The following SRMS variants were observed in gnomAD, a reference collection of about 807,000 sequenced individuals.
The protein encoded by SRMS is src-related kinase lacking C-terminal regulatory tyrosine and N-terminal myristylation sites, also known as tyrosine-protein kinase Srms.
A neutral mutation model predicts 43.5 loss-of-function variants in SRMS; 42 were observed. The observed-to-expected ratio is 0.97, with a 90% CI of 0.75 to 1.25. The LOEUF (loss-of-function observed/expected upper bound fraction) is 1.25. Ranked by LOEUF, SRMS falls within the 50% of genes most tolerant of loss-of-function variation. The probability of loss-of-function intolerance (pLI) is 0.00; values close to 1 mark genes in which losing one functional copy is unlikely to be tolerated. For missense variants in SRMS, 703 were observed against 681.0 expected, an observed-to-expected ratio of 1.03 and a Z score of -0.36; for synonymous variants, 316 against 308.2, an observed-to-expected ratio of 1.03 and a Z score of -0.27.
chr20:63,544,392 C>T, intron 1 of SRMS, 44 bp from the exon 2 acceptor site: 2 of 1,431,026 alleles, frequency 1.4e-6, no homozygotes, highest in Non-Finnish European at 1.8e-6. Flanking sequence ...GCCCCTCAGC[C>T]AGTGGCCCCA....
chr20:63,538,957 A>C lies in SRMS; in HGVS notation c.*1861T>G, dbSNP rs2082687966. Among the ~76,000 whole-genome samples, 2 of 152,128 alleles carry C rather than the reference A, an allele frequency of 1.3e-5. No homozygotes were observed. The highest frequency in any genetic ancestry group is 1.3e-4 in the Admixed American group (2 of 15,284). ...GCTGGTGGCTGGCGAGATGCCTAGG[A>C]GGGCACAGGTGCCACAGACACACCT... On this transcript the variant is annotated 3_prime_UTR_variant, in exon 8 of 8. Coordinates refer to ENST00000217188, the MANE Select transcript of SRMS (RefSeq NM_080823.4).
chr20:63,542,518 C>T lies in SRMS; in HGVS notation c.709G>A (p.Gly237Ser), dbSNP rs771567769. ...HSEFALGRKL[G>S]EGYFGEVWEG... ...CACACCTCCCCAAAGTAGCCTTCAC[C>T]CAGCTTCCTCCCAAGGGCGAATTCG... The change falls in exon 4 of 8, where the codon GGT (glycine) becomes AGT (serine). Residue 237 changes from glycine to serine, a missense_variant. Physicochemically the swap from Gly to Ser is moderately conservative, Grantham distance 56. Transcript: ENST00000217188. The T allele has an allele frequency of 4.9e-5, 79 of 1,612,628 alleles. No individual in the cohort carries two copies. Among genetic ancestry groups the T allele is most frequent in the Non-Finnish European group, 6.4e-5 (75 of 1,179,880 alleles).
At chr20:63,544,156 G>T in intron 2 of SRMS, 71 bp downstream of exon 2, 2 of 1,367,234 alleles carry the variant, frequency 1.5e-6, no homozygotes, top group Non-Finnish European at 1.9e-6. Flanking sequence ...ACTGCCTAGA[G>T]ACCAACCACC....
rs151175375 is a variant in SRMS at position 63,542,279 on chromosome 20, A to G, written c.830T>C (p.Leu277Pro). Reference protein sequence around the residue: ...LTDLAKEIQTLKGLRHERLIR... With the variant: ...LTDLAKEIQTPKGLRHERLIR... ...GAGCCGCTCGTGCCGCAGGCCCTTC[A>G]GTGTCTGGATCTCCTTGGCGAGGTC... Residue 277 changes from leucine to proline, a missense_variant, in exon 5 of 8, where the codon CTG (leucine) becomes CCG (proline). By Grantham distance (98) the Leu-to-Pro change is moderately conservative (BLOSUM62 -3). Transcript: ENST00000217188. 6.3e-5 allele frequency: 101 copies of G among 1,612,310 alleles called. No individual in the cohort carries two copies. The African/African-American group carries it at 1.1e-3, about 17-fold the overall frequency.
chr20:63,545,352 G>C (rs957457285), intron 1 of SRMS, among the ~76,000 whole-genome samples: 1 of 152,192 alleles, frequency 6.6e-6, no homozygotes, highest in Non-Finnish European at 1.5e-5. Context: ...AGCTTCCTGG[G>C]ACCCGGAGAG....
rs762108050 is a variant in SRMS, at chr20:63,541,169, C to T, written c.1285+22G>A. Reference sequence around the variant, plus strand: ...CTCCTGGGCAGAGCCTGCATCCTCCCTCTGGCTGCCTGGGGACCCACCTTC... The same window carrying T: ...CTCCTGGGCAGAGCCTGCATCCTCCTTCTGGCTGCCTGGGGACCCACCTTC... On this transcript the variant is annotated intron_variant, in intron 7 of 7. Transcript: ENST00000217188. 4 of 1,547,576 alleles carry T rather than the reference C, an allele frequency of 2.6e-6. No individual in the cohort carries two copies. In the South Asian group the frequency reaches 4.9e-5, roughly 19 times the overall value.
intron 5 of SRMS, among the ~76,000 whole-genome samples, 165 bp from the exon 6 acceptor site, chr20:63,541,785 G>A (rs1462366788): frequency 6.6e-6 from 1 of 152,208 alleles, no homozygotes; most frequent in African/African-American, 2.4e-5. Context: ...GAGACAGGGC[G>A]AGGGTCCTGT....
chr20:63,543,552 G>T (rs2082715945), intron 2 of SRMS, 72 bp from the exon 3 acceptor site: 2 of 1,543,418 alleles, frequency 1.3e-6, no homozygotes, highest in African/African-American at 1.4e-5. Flanking sequence ...CCCAGAGGAT[G>T]CTGGCCACAA....
Position 63,542,262 on chromosome 20 carries a change from C to A in SRMS, c.847G>T (p.Glu283Ter), listed in dbSNP as rs762898367. Residue 283 changes from glutamate to a stop codon, truncating the protein, a stop_gained, in exon 5 of 8, where the codon GAG (glutamate) becomes TAG (stop). Coordinates refer to ENST00000217188, the MANE Select transcript of SRMS (RefSeq NM_080823.4). LOFTEE classifies it high-confidence loss of function. The part of the protein sequence containing the change: ...EIQTLKGLRH[E>*]RLIRLHAVCS... ...ACTGCGTGCAGCCGGATGAGCCGCT[C>A]GTGCCGCAGGCCCTTCAGTGTCTGG... is the stretch of plus-strand genomic sequence containing the variant. The A allele has an allele frequency of 2.5e-6, 4 of 1,612,548 alleles. No individual in the cohort carries two copies. The highest frequency in any genetic ancestry group is 3.4e-6 in the Non-Finnish European group (4 of 1,179,734).
rs769911024 is a variant in SRMS at position 63,542,127 on chromosome 20, G to A, written c.946+36C>T. On this transcript the variant is annotated intron_variant, in intron 5 of 7. Transcript: ENST00000217188. ...CAGGAGGGAAGGGGCGGTCGCAGGC[G>A]CGTCAGGGCCACGTGGCAGCAGGGA... 7 of 1,582,664 alleles carry A rather than the reference G, an allele frequency of 4.4e-6. No individual in the cohort carries two copies. In the South Asian group the frequency reaches 4.5e-5, roughly 10 times the overall value.
At chr20:63,541,372 T>C in intron 6 of SRMS, 25 bp from the exon 7 acceptor site, 1 of 1,545,278 alleles carries the variant, frequency 6.5e-7, no homozygotes, top group Non-Finnish European at 8.7e-7. Flanking sequence ...AGGCCCCTGG[T>C]AGGGCAGGTG....
Position 63,547,332 on chromosome 20 carries a change from G to A in SRMS, c.132C>T (p.Leu44=), listed in dbSNP as rs2082738753. ...LDPNTDPVPT[L]PAEPCSPFPQ... ...GGAAGGGGCTGCAAGGCTCGGCGGG[G>A]AGCGTGGGCACTGGGTCAGTGTTGG... Residue 44 remains leucine (L), a synonymous_variant, in exon 1 of 8, where the codon CTC becomes CTT. Transcript: ENST00000217188. The A allele has an allele frequency of 1.3e-6, 2 of 1,593,314 alleles. No individual in the cohort carries two copies. The highest frequency in any genetic ancestry group is 1.1e-5 in the South Asian group (1 of 89,596).
intron 2 of SRMS, chr20:63,543,688 C>G: frequency 1.7e-6 from 1 of 588,422 alleles, no homozygotes; most frequent in Non-Finnish European, 3.0e-6. Context: ...TGGAGCTTTT[C>G]TGCTGACGGT....
Position 63,547,546 on chromosome 20 carries a change from G to T in SRMS, c.-83C>A. ...GAACTGGCAGGGCCGGTGGGACCCG[G>T]TGTCCAGCGCTCCCTGCCCTGGCCG... On this transcript the variant is annotated 5_prime_UTR_variant, in exon 1 of 8. Coordinates refer to ENST00000217188, the MANE Select transcript of SRMS (RefSeq NM_080823.4). The T allele has an allele frequency of 7.6e-7, 1 of 1,311,594 alleles. No individual in the cohort carries two copies. The allele number at this position is 1,311,594 out of a possible 1,614,324, so 81.2% of individuals were successfully genotyped here.
intron 3 of SRMS, 29 bp downstream of exon 3, chr20:63,543,285 A>C: frequency 1.9e-6 from 3 of 1,608,656 alleles, no homozygotes; most frequent in Non-Finnish European, 2.5e-6. Context: ...CGGGCCCAGC[A>C]TGGGGCAGCT....
Position 63,541,715 on chromosome 20 carries a change from C to G in SRMS, c.947-95G>C. ...TCACCTTCCCCCATGCCTCAGCCTC[C>G]TCATCTCTAAGACGTGGCGAGGATG... On this transcript the variant is annotated intron_variant, in intron 5 of 7. Transcript: ENST00000217188. 3 of 1,372,120 alleles carry G rather than the reference C, an allele frequency of 2.2e-6. No homozygotes were observed. The South Asian group carries it at 4.5e-5, about 21-fold the overall frequency. The allele number at this position is 1,372,120 out of a possible 1,614,324, so 85.0% of individuals were successfully genotyped here. A position where few individuals can be genotyped will look rare whatever the true frequency, so the allele number is the denominator to read the frequency against.
chr20:63,541,395 C>T, intron 6 of SRMS, 44 bp downstream of exon 6: 1 of 1,556,774 alleles, frequency 6.4e-7, no homozygotes. Context: ...CCGGGGTCCC[C>T]TCACCCACCC....
At position 63,540,773 on chromosome 20, in the gene SRMS, G is replaced by C. The variant is rs368457268; in HGVS notation, c.*45C>G. 17 of 1,546,670 alleles carry C rather than the reference G, an allele frequency of 1.1e-5. No homozygotes were observed. The African/African-American group carries it at 1.9e-4, about 18-fold the overall frequency. Reference sequence around the variant, plus strand: ...TCGAGTTGGCGCTCTGCAGGGAGGAGGGGCTGGCCTGGCTGGAGCCCAGAG... The same window carrying C: ...TCGAGTTGGCGCTCTGCAGGGAGGACGGGCTGGCCTGGCTGGAGCCCAGAG... On this transcript the variant is annotated 3_prime_UTR_variant, in exon 8 of 8. Coordinates refer to ENST00000217188, the MANE Select transcript of SRMS (RefSeq NM_080823.4).
chr20:63,547,000 TG>T, intron 1 of SRMS, 107 bp downstream of exon 1: 3 of 1,047,836 alleles, frequency 2.9e-6, no homozygotes, highest in Non-Finnish European at 4.0e-6. Context: ...AACGAATGAA[TG>T]AACAGATAGC....
Sources: gnomAD v4.1 joint callset for allele counts (sites outside exome capture counted in the v4.1 genomes callset) on GRCh38, gnomAD v4.1.1 for gene constraint, MANE v1.5 for transcripts, NCBI Gene and HGNC (gene_info 2026-07-23, HGNC 2026-07-21) for gene names.